DIS3L2: variants seen among roughly 807,000 people sequenced by gnomAD.
DIS3L2 encodes DIS3-like exonuclease 2.
Under a neutral mutation model 97.5 loss-of-function variants are expected in DIS3L2, and 34 were observed. The observed-to-expected ratio is 0.35, with a 90% CI of 0.27 to 0.46. The LOEUF (loss-of-function observed/expected upper bound fraction) is 0.46. Ranked by LOEUF, DIS3L2 falls within the 20% of genes least tolerant of loss-of-function variation. DIS3L2 has a pLI of 1.00. For synonymous variants in DIS3L2, 435 were observed against 445.2 expected (o/e 0.98, Z 0.29); for missense variants, 1,038 against 1,146.0 (o/e 0.91, Z 1.36).
chr2:232,307,434 TA>T (rs1695015976), intron 14 of DIS3L2: 1 of 152,228 alleles, frequency 6.6e-6, no homozygotes, highest in Non-Finnish European at 1.5e-5. Context: ...TCTGAAGAGC[TA>T]ACATGGAGAA....
intron 9 of DIS3L2, among the ~76,000 whole-genome samples, chr2:232,194,051 A>G (rs909814519): frequency 1.3e-5 from 2 of 152,166 alleles, no homozygotes; most frequent in African/African-American, 2.4e-5. Flanking sequence ...CAGAGGTTGC[A>G]GTGAGCCGGG....
intron 11 of DIS3L2, among the ~76,000 whole-genome samples, chr2:232,241,581 G>A (rs1161599870): frequency 6.6e-6 from 1 of 152,132 alleles, no homozygotes; most frequent in Admixed American, 6.5e-5. Flanking sequence ...GGTTATTCTT[G>A]TTAACAATAG....
At chr2:232,123,173 G>T (rs1012660684) in intron 6 of DIS3L2, among the ~76,000 whole-genome samples, 1 of 152,042 alleles carries the variant, frequency 6.6e-6, no homozygotes, top group Non-Finnish European at 1.5e-5. Flanking sequence ...GAGCTTGGAC[G>T]TGGAGTCAGA....
chr2:232,175,615 G>A (rs902346562), intron 9 of DIS3L2, among the ~76,000 whole-genome samples: 5 of 151,812 alleles, frequency 3.3e-5, no homozygotes, highest in Non-Finnish European at 7.4e-5. Flanking sequence ...ATGTATGTAC[G>A]GGTTTATTAT....
chr2:232,010,810 C>T (rs1197664900), intron 1 of DIS3L2, among the ~76,000 whole-genome samples: 1 of 152,196 alleles, frequency 6.6e-6, no homozygotes, highest in Non-Finnish European at 1.5e-5. Flanking sequence ...ATTTTGCACC[C>T]TAAGTGCCTG....
intron 5 of DIS3L2, among the ~76,000 whole-genome samples, chr2:232,081,221 T>C (rs1016873525): frequency 6.6e-6 from 1 of 152,144 alleles, no homozygotes; most frequent in African/African-American, 2.4e-5. Context: ...AGGAAGCACT[T>C]TGGTTCTTTC....
chr2:232,343,214 A>T, intron 13 of DIS3L2: 1 of 746,562 alleles, frequency 1.3e-6, no homozygotes, highest in Non-Finnish European at 2.3e-6. Flanking sequence ...TGTCACAAAA[A>T]GGCCATGCTG....
chr2:232,175,423 T>G (rs1691123673), intron 9 of DIS3L2, among the ~76,000 whole-genome samples: 1 of 152,168 alleles, frequency 6.6e-6, no homozygotes, highest in African/African-American at 2.4e-5. Context: ...CTGGATTCCT[T>G]TTTAGGATCT....
At chr2:232,030,833 G>A (rs1466425627) in intron 5 of DIS3L2, among the ~76,000 whole-genome samples, 1 of 151,802 alleles carries the variant, frequency 6.6e-6, no homozygotes, top group South Asian at 2.1e-4. Flanking sequence ...GAAGAATTTG[G>A]TGTCTTCTTC....
intron 8 of DIS3L2, among the ~76,000 whole-genome samples, chr2:232,162,869 G>T (rs983205483): frequency 6.6e-6 from 1 of 152,180 alleles, no homozygotes; most frequent in African/African-American, 2.4e-5. Context: ...GCATTGTCCT[G>T]TTAAATGCAA....
In DIS3L2 at chr2:232,105,165, T is replaced by C. The variant is rs577646928; in HGVS notation, c.601+17444T>C. Among the ~76,000 whole-genome samples, 4 of 152,352 alleles carry C rather than the reference T, an allele frequency of 2.6e-5. No homozygotes were observed. In the East Asian group the frequency reaches 7.7e-4, roughly 29 times the overall value. ...TGTTGATGAACACTTGAATTATTTC[T>C]ACCTTTGGCTATTGAATAGTGAATA... On this transcript the variant is annotated intron_variant, in intron 6 of 20. Transcript: ENST00000325385.
chr2:232,333,769 G>T, intron 16 of DIS3L2, 71 bp from the exon 17 acceptor site: 1 of 1,424,758 alleles, frequency 7.0e-7, no homozygotes, highest in Non-Finnish European at 9.2e-7. Flanking sequence ...GAGGCTGTGG[G>T]TGGTGCCAGC....
chr2:232,186,259 G>A (rs991466892), intron 9 of DIS3L2, among the ~76,000 whole-genome samples: 1 of 152,162 alleles, frequency 6.6e-6, no homozygotes, highest in Non-Finnish European at 1.5e-5. Flanking sequence ...CCATTTAAAG[G>A]ATAATAAGGA....
At chr2:232,043,862 A>G (rs1209957256) in intron 5 of DIS3L2, among the ~76,000 whole-genome samples, 1 of 152,150 alleles carries the variant, frequency 6.6e-6, no homozygotes, top group Non-Finnish European at 1.5e-5. Flanking sequence ...TGCTACTGCT[A>G]TTGTTCAAAT....
intron 5 of DIS3L2, among the ~76,000 whole-genome samples, chr2:232,032,088 G>C (rs962999399): frequency 5.9e-5 from 9 of 152,204 alleles, no homozygotes; most frequent in Non-Finnish European, 1.0e-4. Context: ...TCACCACACT[G>C]TCTTCCACAA....
chr2:232,299,965 T>G, intron 13 of DIS3L2, 75 bp from the exon 14 acceptor site: 1 of 1,460,564 alleles, frequency 6.8e-7, no homozygotes, highest in Non-Finnish European at 9.5e-7. Context: ...TTTGATTTTA[T>G]TTTTTTCATT....
intron 1 of DIS3L2, among the ~76,000 whole-genome samples, chr2:231,984,328 T>C (rs1240338752): frequency 6.6e-6 from 1 of 151,274 alleles, no homozygotes; most frequent in Non-Finnish European, 1.5e-5. Flanking sequence ...TGAGATGGAG[T>C]CTCACTCTGT....
chr2:232,112,814 G>A (rs891903853), intron 6 of DIS3L2, among the ~76,000 whole-genome samples: 1 of 152,080 alleles, frequency 6.6e-6, no homozygotes. Flanking sequence ...GTAAAAGGAG[G>A]TATGGTAGAA....
chr2:232,095,771 T>G (rs914146274), intron 6 of DIS3L2, among the ~76,000 whole-genome samples: 4 of 152,166 alleles, frequency 2.6e-5, no homozygotes, highest in African/African-American at 7.2e-5. Context: ...GTCCTTCAGC[T>G]TTTGTTTGTC....
Sources: allele counts gnomAD v4.1 joint callset (sites outside exome capture counted in the v4.1 genomes callset), GRCh38; gene constraint gnomAD v4.1.1; transcripts MANE v1.5; gene names NCBI Gene and HGNC (gene_info 2026-07-23, HGNC 2026-07-21).